The following ZNF157 variants were observed in gnomAD, a reference collection of about 807,000 sequenced individuals.
ZNF157 encodes zinc finger protein 157.
In ZNF157, 8 loss-of-function variants were observed where a neutral mutation model predicts 9.4. The ratio of observed to expected loss-of-function variants is 0.85; its 90% CI spans 0.50 to 1.53. ZNF157 has a LOEUF of 1.53. Among genes scored for constraint, ZNF157 ranks in the 40% most tolerant of loss-of-function variants. The pLI, the probability that ZNF157 is intolerant of heterozygous loss-of-function variation, is 0.00. For synonymous variants in ZNF157, 120 were observed against 130.8 expected (o/e 0.92, Z 0.56); for missense variants, 316 against 385.2 (o/e 0.82, Z 1.50).
In ZNF157 at chrX:47,406,295, C is replaced by G. The variant is rs1055749366; in HGVS notation, c.73-3981C>G. Among the ~76,000 whole-genome samples, 5 of 109,636 alleles carry G rather than the reference C, an allele frequency of 4.6e-5. No individual in the cohort carries two copies. In the Admixed American group the frequency reaches 5.0e-4, roughly 11 times the overall value. On this transcript the variant is annotated intron_variant, in intron 1 of 3. Coordinates refer to ENST00000377073, the MANE Select transcript of ZNF157 (RefSeq NM_003446.4). Reference sequence around the variant, plus strand: ...TATTCGCGTTACTGTTAAGCTTGGTCTCAATTCTCTCATTTTATTTTATGT... The same window carrying G: ...TATTCGCGTTACTGTTAAGCTTGGTGTCAATTCTCTCATTTTATTTTATGT...
intron 1 of ZNF157, among the ~76,000 whole-genome samples, chrX:47,371,370 C>T (rs1363111896): frequency 9.2e-6 from 1 of 108,864 alleles, no homozygotes; most frequent in Admixed American, 1.0e-4. Flanking sequence ...CCGGGCATGG[C>T]AGCTCATGCC....
intron 1 of ZNF157, among the ~76,000 whole-genome samples, chrX:47,392,754 A>G (rs1347389904): frequency 8.9e-6 from 1 of 112,220 alleles, no homozygotes; most frequent in Non-Finnish European, 1.9e-5. Flanking sequence ...CATAGGACAG[A>G]TATTCCCATT....
At chrX:47,412,335 TAA>T in intron 3 of ZNF157, 32 bp from the exon 4 acceptor site, 3 of 1,118,095 alleles carry the variant, frequency 2.7e-6, no homozygotes, top group Non-Finnish European at 2.4e-6. Context: ...GGATTTTACA[TAA>T]AAGAGTGACA....
At chrX:47,392,279 G>A (rs1363477929) in intron 1 of ZNF157, 1 of 144,739 alleles carries the variant, frequency 6.9e-6, no homozygotes. Context: ...ATCTGTGTAG[G>A]CTGTTTATCA....
chrX:47,408,636 A>C (rs1385793613), intron 1 of ZNF157, among the ~76,000 whole-genome samples: 1 of 110,930 alleles, frequency 9.0e-6, no homozygotes, highest in Non-Finnish European at 1.9e-5. Flanking sequence ...CAGTCTGCTC[A>C]AATTCCTGGG....
At chrX:47,411,868 GAAAC>G (rs1167738467) in intron 3 of ZNF157, among the ~76,000 whole-genome samples, 1 of 111,803 alleles carries the variant, frequency 8.9e-6, no homozygotes, top group Non-Finnish European at 1.9e-5. Context: ...AAAGTGACCA[GAAAC>G]AAACAAATAC....
At chrX:47,386,962 CT>C (rs1209611244) in intron 1 of ZNF157, among the ~76,000 whole-genome samples, 1 of 110,102 alleles carries the variant, frequency 9.1e-6, no homozygotes. Context: ...ACTTTGCAGT[CT>C]TTTTTTTGTT....
chrX:47,413,571 A>G lies in ZNF157; in HGVS notation c.1498A>G (p.Thr500Ala), dbSNP rs61736398. 4,655 of 1,194,515 alleles carry G rather than the reference A, an allele frequency of 3.9e-3. 75 individuals are homozygous for G. The African/African-American group carries it at 0.051, about 13-fold the overall frequency. Residue 500 changes from threonine to alanine, a missense_variant, in exon 4 of 4, where the codon ACA becomes GCA. Physicochemically the swap from Thr to Ala is moderately conservative, Grantham distance 58. Transcript: ENST00000377073. ...RTHIGWSWRCTMKKASH is the reference protein window; with the variant it reads ...RTHIGWSWRCAMKKASH ...TCACATAGGCTGGTCCTGGCGTTGT[A>G]CAATGAAGAAAGCCTCTCACTGAAG...
At chrX:47,380,190 A>G (rs1162462050) in intron 1 of ZNF157, among the ~76,000 whole-genome samples, 1 of 110,700 alleles carries the variant, frequency 9.0e-6, no homozygotes, top group Non-Finnish European at 1.9e-5. Context: ...AGCAACCTCA[A>G]TTCTTGCCTC....
At chrX:47,382,000 G>C (rs1406748481) in intron 1 of ZNF157, among the ~76,000 whole-genome samples, 1 of 111,840 alleles carries the variant, frequency 8.9e-6, no homozygotes, top group African/African-American at 3.2e-5. Flanking sequence ...GGTTCGGAAA[G>C]GCGGGACAAC....
intron 1 of ZNF157, among the ~76,000 whole-genome samples, chrX:47,386,924 A>C (rs936287244): frequency 8.9e-6 from 1 of 111,801 alleles, no homozygotes; most frequent in Admixed American, 9.6e-5. Flanking sequence ...GCCTGTCAGC[A>C]ATCCTACTGA....
Position 47,412,721 on chromosome X carries a change from G to A in ZNF157, c.648G>A (p.Arg216=). The A allele has an allele frequency of 1.7e-6, 2 of 1,209,656 alleles. No homozygotes were observed. Among genetic ancestry groups the A allele is most frequent in the Admixed American group, 4.4e-5 (2 of 45,776 alleles). ...IAHQKTHTGE[R]PFECNECGKS... ...ATCAGAAAACTCACACAGGGGAGAG[G>A]CCCTTTGAATGTAATGAATGTGGGA... is the stretch of plus-strand genomic sequence containing the variant. The change falls in exon 4 of 4, where the codon AGG becomes AGA. Residue 216 remains arginine (R), a synonymous_variant. Transcript: ENST00000377073.
At position 47,413,209 on chromosome X, in the gene ZNF157, T is replaced by C. The variant is rs374209852; in HGVS notation, c.1136T>C (p.Ile379Thr). 1.3e-5 allele frequency: 16 copies of C among 1,209,944 alleles called. No homozygotes were observed. Among genetic ancestry groups the C allele is most frequent in the Admixed American group, 2.2e-5 (1 of 45,738 alleles). The change falls in exon 4 of 4, where the codon ATT (isoleucine) becomes ACT (threonine). Residue 379 changes from isoleucine to threonine, a missense_variant. Transcript: ENST00000377073. ...VHSSLGIHQRIHTGEKPYECN... is the reference protein window; with the variant it reads ...VHSSLGIHQRTHTGEKPYECN... Reference sequence around the variant, plus strand: ...TCATCTCTTGGGATCCATCAGAGAATTCACACAGGAGAGAAACCTTACGAA... The same window carrying C: ...TCATCTCTTGGGATCCATCAGAGAACTCACACAGGAGAGAAACCTTACGAA...
chrX:47,386,212 G>A (rs932378919), intron 1 of ZNF157, among the ~76,000 whole-genome samples: 1 of 111,148 alleles, frequency 9.0e-6, no homozygotes, highest in Non-Finnish European at 1.9e-5. Context: ...CAGAGAGATC[G>A]TATGTGCGCT....
chrX:47,403,686 G>A (rs1463215102), intron 1 of ZNF157, among the ~76,000 whole-genome samples: 1 of 111,106 alleles, frequency 9.0e-6, no homozygotes, highest in Non-Finnish European at 1.9e-5. Context: ...CAAGAACCAG[G>A]AACATTTCAA....
intron 1 of ZNF157, among the ~76,000 whole-genome samples, chrX:47,400,487 C>A (rs1044096859): frequency 1.8e-5 from 2 of 111,476 alleles, no homozygotes; most frequent in African/African-American, 6.5e-5. Flanking sequence ...TTGTCCATTC[C>A]AATTCTGTGC....
chrX:47,404,384 C>G (rs1264969210), intron 1 of ZNF157, among the ~76,000 whole-genome samples: 2 of 109,539 alleles, frequency 1.8e-5, no homozygotes. Flanking sequence ...AGGCTGGTCT[C>G]AGACCCCTGA....
chrX:47,383,040 A>G (rs1392529774), intron 1 of ZNF157, among the ~76,000 whole-genome samples: 1 of 110,483 alleles, frequency 9.1e-6, no homozygotes, highest in Non-Finnish European at 1.9e-5. Context: ...GGAAGGGTCA[A>G]GTCTACCAGC....
intron 1 of ZNF157, among the ~76,000 whole-genome samples, chrX:47,378,942 C>T (rs12011498): frequency 2.7e-5 from 3 of 111,459 alleles, no homozygotes; most frequent in African/African-American, 9.8e-5. Context: ...GGTTGGATCT[C>T]TTTCACTGTA....
Sources: allele counts gnomAD v4.1 joint callset (sites outside exome capture counted in the v4.1 genomes callset), GRCh38; gene constraint gnomAD v4.1.1; transcripts MANE v1.5; gene names NCBI Gene and HGNC (gene_info 2026-07-23, HGNC 2026-07-21).